Variants in DYNC2I1 observed in about 807,000 individuals in gnomAD.
DYNC2I1 encodes the protein cytoplasmic dynein 2 intermediate chain 1.
Under a neutral mutation model 133.4 loss-of-function variants are expected in DYNC2I1, and 89 were observed. The observed-to-expected ratio is 0.67, with a 90% CI of 0.56 to 0.80. The LOEUF is 0.80. Ranked by LOEUF, DYNC2I1 falls within the 30% of genes least tolerant of loss-of-function variation. DYNC2I1 has a pLI of 0.00. For missense variants in DYNC2I1, 1,291 were observed against 1,314.5 expected, an observed-to-expected ratio of 0.98 and a Z score of 0.28; for synonymous variants, 504 against 484.3, an observed-to-expected ratio of 1.04 and a Z score of -0.54.
At chr7:158,857,018 C>T (rs1047706486) in intron 1 of DYNC2I1, among the ~76,000 whole-genome samples, 12 of 152,088 alleles carry the variant, frequency 7.9e-5, no homozygotes, top group Admixed American at 3.9e-4. Context: ...CGCCGCGGCC[C>T]GTCTCCTCGC....
chr7:158,948,704 A>G (rs965607798), downstream of DYNC2I1, among the ~76,000 whole-genome samples: 2 of 152,144 alleles, frequency 1.3e-5, no homozygotes, highest in African/African-American at 2.4e-5. Flanking sequence ...TGGTCCCTCA[A>G]TGACCCCACA....
chr7:158,908,026 T>A lies in DYNC2I1; in HGVS notation c.1460+1935T>A, dbSNP rs997618803. Among the ~76,000 whole-genome samples, 8 of 151,902 alleles carry A rather than the reference T, an allele frequency of 5.3e-5. No individual in the cohort carries two copies. The South Asian group carries it at 1.2e-3, about 24-fold the overall frequency. On this transcript the variant is annotated intron_variant, in intron 11 of 24. Transcript: ENST00000407559. ...TTTGGATCAAAAATTTTATTAAATA[T>A]TTTAAAAGAAAAATTTAAGAAATGA... is the stretch of plus-strand genomic sequence containing the variant.
intron 20 of DYNC2I1, among the ~76,000 whole-genome samples, chr7:158,929,858 A>C (rs1291386572): frequency 6.6e-6 from 1 of 152,244 alleles, no homozygotes; most frequent in East Asian, 1.9e-4. Flanking sequence ...TGTAGCCATG[A>C]ACGCTTTCAG....
chr7:158,952,362 C>T (rs1258990262), intron 4 of DYNC2I1, among the ~76,000 whole-genome samples: 1 of 152,148 alleles, frequency 6.6e-6, no homozygotes, highest in Non-Finnish European at 1.5e-5. Flanking sequence ...AGTGGACATC[C>T]CGCCTACCTG....
At chr7:158,843,307 T>C in the DYNC2I1 span, among the ~76,000 whole-genome samples, 1 of 152,020 alleles carries the variant, frequency 6.6e-6, no homozygotes, top group East Asian at 1.9e-4. Context: ...GTTGCCCAGG[T>C]TGGAGTTCAG....
intron 1 of DYNC2I1, among the ~76,000 whole-genome samples, chr7:158,866,921 A>G (rs918104226): frequency 1.3e-5 from 2 of 151,198 alleles, no homozygotes; most frequent in Non-Finnish European, 2.9e-5. Context: ...TTTATGAGGT[A>G]TTACAGCTTT....
intron 7 of DYNC2I1, 42 bp downstream of exon 7, chr7:158,887,117 A>G: frequency 1.3e-6 from 2 of 1,585,406 alleles, no homozygotes; most frequent in African/African-American, 1.3e-5. Flanking sequence ...TTTATGGTAC[A>G]TTGAGATTAA....
At chr7:158,869,443 G>A (rs995741099) in intron 1 of DYNC2I1, 31 of 471,520 alleles carry the variant, frequency 6.6e-5, no homozygotes, top group Non-Finnish European at 5.3e-5. Context: ...TGAGCCCAGC[G>A]GCCGCAGAAG....
chr7:158,921,683 G>C (rs1354988320), intron 15 of DYNC2I1, among the ~76,000 whole-genome samples: 1 of 152,132 alleles, frequency 6.6e-6, no homozygotes, highest in African/African-American at 2.4e-5. Flanking sequence ...TGAACTGAGG[G>C]GCTGATAGGT....
intron 5 of DYNC2I1, among the ~76,000 whole-genome samples, chr7:158,883,597 A>G (rs1366887158): frequency 7.1e-6 from 1 of 141,072 alleles, no homozygotes; most frequent in African/African-American, 2.6e-5. Flanking sequence ...TCAATTTGAG[A>G]TAGAGTATGA....
Position 158,917,731 on chromosome 7 carries a change from C to G in DYNC2I1, c.1792-1009C>G, listed in dbSNP as rs116339161. ...CTGCCCTCCACACTCCACCCTCTGC[C>G]TCTCACTAAACACTCCTTTTCTTGC... On this transcript the variant is annotated intron_variant, in intron 14 of 24. Coordinates refer to ENST00000407559, the MANE Select transcript of DYNC2I1 (RefSeq NM_018051.5). Among the ~76,000 whole-genome samples the G allele has an allele frequency of 3.3e-5, 5 of 150,318 alleles. No homozygotes were observed. The South Asian group carries it at 1.0e-3, about 31-fold the overall frequency.
At chr7:158,871,005 A>G in intron 2 of DYNC2I1, 137 bp from the exon 3 acceptor site, 1 of 999,914 alleles carries the variant, frequency 1.0e-6, no homozygotes. Context: ...GGGATTGGAA[A>G]CTGGGATTGG....
chr7:158,875,337 C>T lies in DYNC2I1; in HGVS notation c.491-1272C>T, dbSNP rs1057245225. On this transcript the variant is annotated intron_variant, in intron 3 of 24. Coordinates refer to ENST00000407559, the MANE Select transcript of DYNC2I1 (RefSeq NM_018051.5). The stretch of plus-strand genomic sequence containing the variant: ...CTTGAACTCCTGACTTCGTGATCCA[C>T]CTGCCTCGGCCTCCCAAAGTGCTGG... Among the ~76,000 whole-genome samples, 3 of 152,138 alleles carry T rather than the reference C, an allele frequency of 2.0e-5. No individual in the cohort carries two copies. The South Asian group carries it at 6.2e-4, about 31-fold the overall frequency.
Position 158,918,930 on chromosome 7 carries a change from A to G in DYNC2I1, c.1921+61A>G, listed in dbSNP as rs1382426172. The G allele has an allele frequency of 2.6e-6, 4 of 1,543,334 alleles. No individual in the cohort carries two copies. The African/African-American group carries it at 4.1e-5, about 16-fold the overall frequency. ...GTGACTAAACATTCATGTTGAAATAATACTCTGTAGTATAATATTTTATTT... is the reference window on the plus strand; with the variant it reads ...GTGACTAAACATTCATGTTGAAATAGTACTCTGTAGTATAATATTTTATTT... On this transcript the variant is annotated intron_variant, in intron 15 of 24. Coordinates refer to ENST00000407559, the MANE Select transcript of DYNC2I1 (RefSeq NM_018051.5).
chr7:158,844,630 C>CT, the DYNC2I1 span, among the ~76,000 whole-genome samples: 1,393 of 150,886 alleles, frequency 9.2e-3, 23 homozygotes, highest in African/African-American at 0.032. Flanking sequence ...CATTTTTTTT[C>CT]TTTTTTTTTG....
chr7:158,955,765 C>G (rs1231911254), intron 4 of DYNC2I1, among the ~76,000 whole-genome samples: 1 of 152,238 alleles, frequency 6.6e-6, no homozygotes, highest in Non-Finnish European at 1.5e-5. Flanking sequence ...CTGCCCAGTT[C>G]CTGTAAGCTC....
intron 1 of DYNC2I1, among the ~76,000 whole-genome samples, chr7:158,858,358 T>TA (rs1313949948): frequency 6.6e-6 from 1 of 152,200 alleles, no homozygotes; most frequent in Non-Finnish European, 1.5e-5. Flanking sequence ...GACCAATAGA[T>TA]ACAATGGAGT....
chr7:158,860,222 A>AT (rs1841753236), intron 1 of DYNC2I1, among the ~76,000 whole-genome samples: 1 of 151,740 alleles, frequency 6.6e-6, no homozygotes, highest in Non-Finnish European at 1.5e-5. Context: ...TGCTGGGCTA[A>AT]TTTTTTTTAT....
chr7:158,854,432 A>G (rs751743930), upstream of DYNC2I1, among the ~76,000 whole-genome samples: 3 of 149,220 alleles, frequency 2.0e-5, no homozygotes, highest in South Asian at 4.4e-4. Context: ...GTTCTCACTC[A>G]TAAGTGGGAG....
Sources: allele counts gnomAD v4.1 joint callset (sites outside exome capture counted in the v4.1 genomes callset), GRCh38; gene constraint gnomAD v4.1.1; transcripts MANE v1.5; gene names NCBI Gene and HGNC (gene_info 2026-07-23, HGNC 2026-07-21).